SYTL2: variants seen among roughly 807,000 people sequenced by gnomAD.
SYTL2 encodes synaptotagmin like 2, also known as synaptotagmin-like protein 2.
In SYTL2, 165 loss-of-function variants were observed where a neutral mutation model predicts 198.7. The ratio of observed to expected loss-of-function variants is 0.83; its 90% CI spans 0.73 to 0.94. The LOEUF is 0.94. Among genes scored for constraint, SYTL2 ranks in the 40% least tolerant of loss-of-function variants. The pLI is 0.00. For missense variants in SYTL2, 2,835 were observed against 2,582.8 expected (o/e 1.10, Z -2.12); for synonymous variants, 966 against 917.7 (o/e 1.05, Z -0.95).
intron 1 of SYTL2, among the ~76,000 whole-genome samples, chr11:85,784,577 T>C (rs1189979474): frequency 1.3e-5 from 2 of 152,196 alleles, no homozygotes; most frequent in Admixed American, 6.5e-5. Flanking sequence ...AAGGCTGAAT[T>C]GCTTTACTTC....
At chr11:85,714,839 G>T in intron 11 of SYTL2, 1 of 307,378 alleles carries the variant, frequency 3.3e-6, no homozygotes, top group Non-Finnish European at 5.3e-6. Context: ...CAGAGCTTCA[G>T]ACCACAAAGT....
intron 4 of SYTL2, among the ~76,000 whole-genome samples, chr11:85,743,372 T>C (rs1421161425): frequency 2.0e-5 from 3 of 152,234 alleles, no homozygotes; most frequent in East Asian, 1.9e-4. Flanking sequence ...GCATGTGTTA[T>C]AGGACTGGCC....
intron 1 of SYTL2, among the ~76,000 whole-genome samples, chr11:85,790,986 A>G (rs2092720011): frequency 6.6e-6 from 1 of 151,936 alleles, no homozygotes; most frequent in Non-Finnish European, 1.5e-5. Context: ...CAACACAGTG[A>G]AACCTCGTTT....
In SYTL2 at chr11:85,733,985, T is replaced by A. The variant is rs769935242; in HGVS notation, c.1344A>T (p.Ser448=). ...SPTINEPKDK[S]SELTRLESVL... ...CAGATTCAAGCCTTGTTAATTCTGATGATTTATCTTTGGGTTCATTGATGG... is the reference window on the plus strand; with the variant it reads ...CAGATTCAAGCCTTGTTAATTCTGAAGATTTATCTTTGGGTTCATTGATGG... Residue 448 remains serine, a synonymous_variant, in exon 7 of 20, where the codon TCA becomes TCT. Coordinates refer to ENST00000359152, the MANE Select transcript of SYTL2 (RefSeq NM_206927.4). The A allele has an allele frequency of 6.2e-7, 1 of 1,614,192 alleles. No homozygotes were observed.
intron 14 of SYTL2, among the ~76,000 whole-genome samples, chr11:85,708,721 C>T (rs1189064768): frequency 6.6e-6 from 1 of 151,622 alleles, no homozygotes. Flanking sequence ...TCTGAATTCA[C>T]ATATATGGGT....
chr11:85,728,167 G>C (rs1019311691), intron 7 of SYTL2, 200 bp from the exon 8 acceptor site: 27 of 525,184 alleles, frequency 5.1e-5, no homozygotes, highest in Admixed American at 1.1e-4. Flanking sequence ...TGACAGTAAA[G>C]GAAAGGAAAT....
intron 1 of SYTL2, among the ~76,000 whole-genome samples, chr11:85,801,275 A>T (rs1251815600): frequency 6.6e-6 from 1 of 152,052 alleles, no homozygotes; most frequent in African/African-American, 2.4e-5. Context: ...AAATACAAAA[A>T]GGGGCCTTAA....
At chr11:85,825,018 A>G in the SYTL2 span, among the ~76,000 whole-genome samples, 1 of 152,188 alleles carries the variant, frequency 6.6e-6, no homozygotes, top group Non-Finnish European at 1.5e-5. Context: ...GCCCTGGGTT[A>G]AGAGGCTGGA....
chr11:85,726,342 T>G lies in SYTL2; in HGVS notation c.3016A>C (p.Thr1006Pro). The G allele has an allele frequency of 1.2e-6, 2 of 1,614,082 alleles. No individual in the cohort carries two copies. The highest frequency in any genetic ancestry group is 1.7e-6 in the Non-Finnish European group (2 of 1,179,998). Residue 1006 changes from threonine to proline, a missense_variant, in exon 8 of 20, where the codon ACC becomes CCC. Physicochemically the swap from Thr to Pro is conservative, Grantham distance 38. This residue lies in a region of SYTL2 where 2,645 missense variants were observed against 2,381.7 expected (regional missense o/e 1.11). Transcript: ENST00000359152. ...GGTGCAGAATTTTTTTGGCTTGTGGTGGTAATATTCTTGTCATTATCCTTA... is the reference window on the plus strand; with the variant it reads ...GGTGCAGAATTTTTTTGGCTTGTGGGGGTAATATTCTTGTCATTATCCTTA... The part of the protein sequence containing the change: ...NSKDNDKNIT[T>P]TSQKNSAPFN...
chr11:85,714,291 C>G, intron 12 of SYTL2, 122 bp downstream of exon 12: 1 of 740,082 alleles, frequency 1.4e-6, no homozygotes. Flanking sequence ...ACTTGAAAGG[C>G]AAGGGCCAGT....
At chr11:85,828,788 TG>T in the SYTL2 span, among the ~76,000 whole-genome samples, 7 of 152,246 alleles carry the variant, frequency 4.6e-5, no homozygotes, top group African/African-American at 1.7e-4. Flanking sequence ...TGTCCATGGT[TG>T]TCCTGCTAGT....
At chr11:85,708,837 ATTTT>A (rs72460497) in intron 14 of SYTL2, among the ~76,000 whole-genome samples, 1 of 71,596 alleles carries the variant, frequency 1.4e-5, no homozygotes, top group African/African-American at 5.9e-5. Flanking sequence ...CTTCTCTGTG[ATTTT>A]TTTTTTTTTT....
chr11:85,774,697 C>A (rs2092421285), intron 1 of SYTL2, among the ~76,000 whole-genome samples: 1 of 152,172 alleles, frequency 6.6e-6, no homozygotes, highest in Non-Finnish European at 1.5e-5. Context: ...GAGGTTATAG[C>A]ATCAGCAAAT....
intron 1 of SYTL2, among the ~76,000 whole-genome samples, chr11:85,797,737 G>C (rs1178820196): frequency 6.6e-6 from 1 of 152,062 alleles, no homozygotes; most frequent in Non-Finnish European, 1.5e-5. Context: ...AGAAGTCTGT[G>C]TTTATACACA....
chr11:85,763,690 A>C (rs953908362), intron 1 of SYTL2, among the ~76,000 whole-genome samples: 2 of 151,608 alleles, frequency 1.3e-5, no homozygotes, highest in Non-Finnish European at 2.9e-5. Flanking sequence ...TGACATCAAG[A>C]ATGAAGGCTT....
intron 15 of SYTL2, among the ~76,000 whole-genome samples, chr11:85,706,658 A>G (rs1456327815): frequency 6.6e-6 from 1 of 152,186 alleles, no homozygotes; most frequent in Non-Finnish European, 1.5e-5. Flanking sequence ...ACTATGAGAG[A>G]GGAAAGTTGA....
At position 85,700,496 on chromosome 11, in the gene SYTL2, A is replaced by G; in HGVS notation, c.6268+19T>C. On this transcript the variant is annotated intron_variant, in intron 17 of 19. Transcript: ENST00000359152. ...GGATAAGGAAAGGACATAAATCTGA[A>G]TAGAAAGTCATTACATACCAGGGAC... The G allele has an allele frequency of 6.3e-7, 1 of 1,590,932 alleles. No homozygotes were observed. The highest frequency in any genetic ancestry group is 8.6e-7 in the Non-Finnish European group (1 of 1,158,982).
At chr11:85,715,871 G>A (rs1591679262) in intron 11 of SYTL2, among the ~76,000 whole-genome samples, 1 of 152,142 alleles carries the variant, frequency 6.6e-6, no homozygotes, top group African/African-American at 2.4e-5. Flanking sequence ...AAAGTATATT[G>A]TTGGATGATG....
intron 1 of SYTL2, among the ~76,000 whole-genome samples, chr11:85,766,210 A>AG (rs558868086): frequency 1.4e-4 from 22 of 152,242 alleles, no homozygotes; most frequent in African/African-American, 4.8e-4. Context: ...TAAAGTGTCA[A>AG]GGGGGGGAGT....
Sources: gnomAD v4.1 joint callset for allele counts (sites outside exome capture counted in the v4.1 genomes callset) on GRCh38, gnomAD v4.1.1 for gene constraint, gnomAD v4.1.1 regional missense constraint, MANE v1.5 for transcripts, NCBI Gene and HGNC (gene_info 2026-07-23, HGNC 2026-07-21) for gene names.